The following PTPN18 variants were observed in gnomAD, a reference collection of about 807,000 sequenced individuals.
PTPN18 encodes protein tyrosine phosphatase non-receptor type 18.
In PTPN18, 65 loss-of-function variants were observed where a neutral mutation model predicts 65.4. The observed-to-expected ratio is 0.99, with a 90% CI of 0.81 to 1.22. The LOEUF is 1.22. Among genes scored for constraint, PTPN18 ranks in the 50% most tolerant of loss-of-function variants. The probability of loss-of-function intolerance (pLI) is 0.00; values close to 1 mark genes in which losing one functional copy is unlikely to be tolerated. For missense variants in PTPN18, 616 were observed against 646.5 expected (o/e 0.95, Z 0.51); for synonymous variants, 255 against 267.8 (o/e 0.95, Z 0.47).
At chr2:130,359,779 C>G (rs554647040) in intron 5 of PTPN18, 133 bp downstream of exon 5, 8 of 1,097,238 alleles carry the variant, frequency 7.3e-6, no homozygotes, top group South Asian at 7.1e-5. Flanking sequence ...GTGGGAAGCC[C>G]CATTGTTCCT....
In PTPN18 at chr2:130,356,311, C is replaced by T. The variant is rs1003064516; in HGVS notation, c.93+111C>T. 5 of 763,996 alleles carry T rather than the reference C, an allele frequency of 6.5e-6. No homozygotes were observed. The African/African-American group carries it at 9.5e-5, about 14-fold the overall frequency. 47.3% of individuals were successfully genotyped at this position (763,996 alleles called of 1,614,324 possible). A position where few individuals can be genotyped will look rare whatever the true frequency, so the allele number is the denominator to read the frequency against. ...TTCTGTCTCGGTGTCCCCGGTGTCT[C>T]CCCGCCTCGGGGGGTCTCTCCGTGT... On this transcript the variant is annotated intron_variant, in intron 1 of 14. Transcript: ENST00000175756.
intron 5 of PTPN18, among the ~76,000 whole-genome samples, chr2:130,367,821 AAAATTTTCACC>A: frequency 6.6e-6 from 1 of 152,004 alleles, no homozygotes; most frequent in Non-Finnish European, 1.5e-5. Flanking sequence ...CGAATTTGGG[AAAATTTTCACC>A]TATTATTTCT....
At chr2:130,361,651 G>C (rs552581481) in intron 5 of PTPN18, among the ~76,000 whole-genome samples, 1 of 150,622 alleles carries the variant, frequency 6.6e-6, no homozygotes, top group Non-Finnish European at 1.5e-5. Context: ...TCAATGGCGC[G>C]ATCTTGGCTC....
chr2:130,362,885 T>C (rs1489307054), intron 5 of PTPN18, among the ~76,000 whole-genome samples: 1 of 152,074 alleles, frequency 6.6e-6, no homozygotes, highest in Non-Finnish European at 1.5e-5. Flanking sequence ...AATGGCGCGA[T>C]CTCAGCTCGC....
rs762543243 is a variant in PTPN18 at position 130,373,245 on chromosome 2, T to C, written c.*21T>C. On this transcript the variant is annotated 3_prime_UTR_variant, in exon 15 of 15. Coordinates refer to ENST00000175756, the MANE Select transcript of PTPN18 (RefSeq NM_014369.4). This position sits in a 1 kb window ranked among gnomAD's most constrained non-coding sequence, Gnocchi z 4.1. ...TGTAAGTCTAACGCCAGTTCCTGCCTGTTGCCTCTTGTGAGCTCGGACTGC... is the reference window on the plus strand; with the variant it reads ...TGTAAGTCTAACGCCAGTTCCTGCCCGTTGCCTCTTGTGAGCTCGGACTGC... 2 of 1,558,530 alleles carry C rather than the reference T, an allele frequency of 1.3e-6. No homozygotes were observed. Among genetic ancestry groups the C allele is most frequent in the Non-Finnish European group, 1.7e-6 (2 of 1,154,460 alleles).
At position 130,372,386 on chromosome 2, in the gene PTPN18, C is replaced by A; in HGVS notation, c.1143C>A (p.Arg381=). 1.5e-6 allele frequency: 2 copies of A among 1,366,248 alleles called. No homozygotes were observed. Among genetic ancestry groups the A allele is most frequent in the Non-Finnish European group, 1.9e-6 (2 of 1,065,368 alleles). The allele number at this position is 1,366,248 out of a possible 1,614,324, so 84.6% of individuals were successfully genotyped here. ...GGACGGGGACGGGGACGGGGGCGCG[C>A]AGCGCGGAGGAGGCGCCGCTCTACA... ...QTGTGTGTGA[R]SAEEAPLYSK... is the part of the protein sequence containing the mutation. Residue 381 remains arginine (R), a synonymous_variant, in exon 13 of 15, where the codon CGC becomes CGA. Transcript: ENST00000175756.
At position 130,373,251 on chromosome 2, in the gene PTPN18, C is replaced by G; in HGVS notation, c.*27C>G. On this transcript the variant is annotated 3_prime_UTR_variant, in exon 15 of 15. Transcript: ENST00000175756. The surrounding 1 kb of genome is among the most constrained non-coding windows in gnomAD (Gnocchi z 4.1). ...TCTAACGCCAGTTCCTGCCTGTTGCCTCTTGTGAGCTCGGACTGCTGATGC... is the reference window on the plus strand; with the variant it reads ...TCTAACGCCAGTTCCTGCCTGTTGCGTCTTGTGAGCTCGGACTGCTGATGC... The G allele has an allele frequency of 1.9e-6, 3 of 1,546,176 alleles. No homozygotes were observed. Among genetic ancestry groups the G allele is most frequent in the Non-Finnish European group, 2.6e-6 (3 of 1,147,636 alleles).
At chr2:130,362,180 G>C in intron 5 of PTPN18, 1 of 469,186 alleles carries the variant, frequency 2.1e-6, no homozygotes, top group Non-Finnish European at 4.4e-6. Context: ...GTATAATCCA[G>C]GCTGGTCTCG....
chr2:130,371,347 A>G, intron 12 of PTPN18, 60 bp downstream of exon 12: 1 of 1,398,592 alleles, frequency 7.2e-7, no homozygotes, highest in Non-Finnish European at 9.9e-7. Flanking sequence ...CCCCTTCTTC[A>G]TCCTTGGAAC....
At chr2:130,358,749 C>T in intron 1 of PTPN18, 118 bp from the exon 2 acceptor site, 1 of 766,838 alleles carries the variant, frequency 1.3e-6, no homozygotes, top group Non-Finnish European at 2.2e-6. Context: ...AGGGTCTGCA[C>T]TCACCTCCCC....
intron 12 of PTPN18, 58 bp from the exon 13 acceptor site, chr2:130,372,199 C>A: frequency 6.8e-7 from 1 of 1,480,048 alleles, no homozygotes; most frequent in Non-Finnish European, 9.1e-7. Flanking sequence ...GCAGCCTCCC[C>A]ACTCCCGCCC....
rs1449697640 is a variant in PTPN18, at chr2:130,374,930, AAC to A, written c.*1708_*1709del. 1 of 275,478 alleles carries A rather than the reference AAC, an allele frequency of 3.6e-6. No homozygotes were observed. Among genetic ancestry groups the A allele is most frequent in the African/African-American group, 2.2e-5 (1 of 45,324 alleles). 17.1% of individuals were successfully genotyped at this position (275,478 alleles called of 1,614,324 possible). A position where few individuals can be genotyped will look rare whatever the true frequency, so the allele number is the denominator to read the frequency against. On this transcript the variant is annotated 3_prime_UTR_variant, in exon 15 of 15. Coordinates refer to ENST00000175756, the MANE Select transcript of PTPN18 (RefSeq NM_014369.4). ...GGGTGATGCTGAGGTGTGGATTTTT[AAC>A]AGTTCCCAGACTTTCCCAGGAGGCT... is the stretch of plus-strand genomic sequence containing the variant.
At chr2:130,361,506 T>G (rs1312882380) in intron 5 of PTPN18, among the ~76,000 whole-genome samples, 1 of 140,740 alleles carries the variant, frequency 7.1e-6, no homozygotes, top group Non-Finnish European at 1.5e-5. Context: ...TTTCTTTCTT[T>G]TCTTTCTCTT....
Position 130,370,776 on chromosome 2 carries a change from G to A in PTPN18, c.828G>A (p.Gln276=). 1.2e-6 allele frequency: 2 copies of A among 1,614,060 alleles called. No homozygotes were observed. The highest frequency in any genetic ancestry group is 1.7e-6 in the Non-Finnish European group (2 of 1,179,938). Residue 276 remains glutamine (Q), a synonymous_variant, in exon 10 of 15, where the codon CAG becomes CAA. Coordinates refer to ENST00000175756, the MANE Select transcript of PTPN18 (RefSeq NM_014369.4). ...GGAAGCAGCGGCCTGCGGCCGTGCA[G>A]ACAGAGGTGAACCCTGGGTCTCCTA... ...KMRKQRPAAV[Q]TEEQYRFLYH...
intron 5 of PTPN18, among the ~76,000 whole-genome samples, chr2:130,367,892 C>A (rs376670012): frequency 3.3e-5 from 5 of 152,100 alleles, no homozygotes; most frequent in African/African-American, 9.7e-5. Flanking sequence ...CTGGACTCCA[C>A]GTGCACATAC....
chr2:130,357,939 A>C (rs1208064177), intron 1 of PTPN18, among the ~76,000 whole-genome samples: 1 of 152,238 alleles, frequency 6.6e-6, no homozygotes, highest in East Asian at 1.9e-4. Context: ...TAAGAAACTA[A>C]GAAATGCATA....
intron 13 of PTPN18, 195 bp downstream of exon 13, chr2:130,372,678 G>T (rs1331006668): frequency 4.1e-6 from 4 of 966,028 alleles, no homozygotes; most frequent in Non-Finnish European, 5.9e-6. Flanking sequence ...TCGCGGTCCA[G>T]GGGCAGGGTT....
chr2:130,371,089 T>C, intron 11 of PTPN18, 110 bp from the exon 12 acceptor site: 1 of 1,366,558 alleles, frequency 7.3e-7, no homozygotes, highest in Non-Finnish European at 1.0e-6. Context: ...ACCTGTGCCC[T>C]CCTCCAGGCA....
At chr2:130,372,749 T>G in intron 13 of PTPN18, 124 bp from the exon 14 acceptor site, 1 of 1,224,102 alleles carries the variant, frequency 8.2e-7, no homozygotes, top group Admixed American at 2.0e-5. Context: ...GGTGTGTGCC[T>G]TCTCCCGCCC....
Sources: allele counts gnomAD v4.1 joint callset (sites outside exome capture counted in the v4.1 genomes callset), GRCh38; gene constraint gnomAD v4.1.1; non-coding constraint Gnocchi (gnomAD v3.1); transcripts MANE v1.5; gene names NCBI Gene and HGNC (gene_info 2026-07-23, HGNC 2026-07-21).